Variants in INTS11 observed in about 807,000 individuals in gnomAD.
The protein encoded by INTS11 is integrator complex subunit 11.
Under a neutral mutation model 78.6 loss-of-function variants are expected in INTS11, and 77 were observed. The ratio of observed to expected loss-of-function variants is 0.98; its 90% CI spans 0.81 to 1.18. The LOEUF (loss-of-function observed/expected upper bound fraction) is 1.18. INTS11 is among the 50% of genes most tolerant of loss of function. The pLI is 0.00. For synonymous variants in INTS11, 441 were observed against 326.9 expected, an observed-to-expected ratio of 1.35 and a Z score of -3.77; for missense variants, 875 against 825.9, an observed-to-expected ratio of 1.06 and a Z score of -0.73.
intron 2 of INTS11, chr1:1,320,757 G>A (rs1364474291): frequency 1.4e-6 from 1 of 713,156 alleles, no homozygotes; most frequent in Non-Finnish European, 2.5e-6. Flanking sequence ...CTGAGCCCAG[G>A]GTCTCACGGA....
intron 9 of INTS11, 30 bp from the exon 10 acceptor site, chr1:1,313,622 T>A: frequency 1.2e-6 from 2 of 1,611,788 alleles, no homozygotes; most frequent in Non-Finnish European, 1.7e-6. Flanking sequence ...AGGTGGGGGG[T>A]CAGGGCAGCA....
chr1:1,314,312 C>T lies in INTS11; in HGVS notation c.756G>A (p.Leu252=). The change falls in exon 8 of 17, where the codon CTG becomes CTA. Residue 252 remains leucine, a synonymous_variant. Coordinates refer to ENST00000435064, the MANE Select transcript of INTS11 (RefSeq NM_017871.6). This position sits in a 1 kb window ranked among gnomAD's most constrained non-coding sequence, Gnocchi z 4.2. ...CTGGCGGCACCTACCAGAAGGTCTC[C>T]AGGAGGATGCAGAGCTCCTGGGCGC... ...LGRAQELCIL[L]ETFWERMNLK... is the part of the protein sequence containing the mutation. The T allele has an allele frequency of 3.7e-6, 6 of 1,602,500 alleles. No homozygotes were observed. Among genetic ancestry groups the T allele is most frequent in the Non-Finnish European group, 5.1e-6 (6 of 1,175,756 alleles).
At chr1:1,320,241 A>T in intron 3 of INTS11, 1 of 559,952 alleles carries the variant, frequency 1.8e-6, no homozygotes, top group Non-Finnish European at 3.2e-6. Context: ...GGGTTCAGAA[A>T]GTAGGGTTCA....
In INTS11 at chr1:1,312,203, G is replaced by GGGGGT; in HGVS notation, c.1607+22_1607+23insACCCC. The GGGGGT allele has an allele frequency of 1.1e-5, 13 of 1,196,352 alleles. 4 individuals are homozygous for GGGGGT. Among genetic ancestry groups the GGGGGT allele is most frequent in the South Asian group, 4.2e-5 (3 of 72,176 alleles). 74.1% of individuals were successfully genotyped at this position (1,196,352 alleles called of 1,614,324 possible). On this transcript the variant is annotated intron_variant, in intron 15 of 16. Coordinates refer to ENST00000435064, the MANE Select transcript of INTS11 (RefSeq NM_017871.6). The stretch of plus-strand genomic sequence containing the variant: ...GCCTCCAGGGCCCAAGGGAGTGGGG[G>GGGGGT]GGGGGCGGGGCCGGGCGCCCACCTC...
Position 1,319,075 on chromosome 1 carries a change from C to A in INTS11, c.429+221G>T, listed in dbSNP as rs201143091. On this transcript the variant is annotated intron_variant, in intron 4 of 16. Coordinates refer to ENST00000435064, the MANE Select transcript of INTS11 (RefSeq NM_017871.6). ...GGGTTCATAAGCCGGTGCATACCCC[C>A]ACCCTGCACGTGCTCTCCCGGGTCG... 93 of 723,026 alleles carry A rather than the reference C, an allele frequency of 1.3e-4. 1 individual carries two copies. Among genetic ancestry groups the A allele is most frequent in the Admixed American group, 4.8e-4 (24 of 50,340 alleles). 44.8% of individuals were successfully genotyped at this position (723,026 alleles called of 1,614,324 possible).
chr1:1,316,008 A>G (rs112689067), intron 4 of INTS11: 3,076 of 274,156 alleles, frequency 0.011, 104 homozygotes, highest in African/African-American at 0.064. Flanking sequence ...CTTTGAATAC[A>G]TGACAGAGAA....
At chr1:1,324,046 G>A (rs1228756964) in intron 1 of INTS11, among the ~76,000 whole-genome samples, 1 of 49,390 alleles carries the variant, frequency 2.0e-5, no homozygotes, top group Non-Finnish European at 4.1e-5. Flanking sequence ...AGCGCTGGGG[G>A]GCTGGGGGGC....
chr1:1,312,042 C>A lies in INTS11; in HGVS notation c.1713G>T (p.Val571=), dbSNP rs752124216. Residue 571 remains valine (V), a synonymous_variant, in exon 16 of 17, where the codon GTG becomes GTT. Transcript: ENST00000435064. The part of the protein sequence containing the change: ...AAPSEDPGTK[V]LLVSWTYQDE... ...CCTGGTAGGTCCAGGAGACCAGCAGCACCTTGGTGCCTGGGTCCTCAGAAG... is the reference window on the plus strand; with the variant it reads ...CCTGGTAGGTCCAGGAGACCAGCAGAACCTTGGTGCCTGGGTCCTCAGAAG... 2.2e-5 allele frequency: 35 copies of A among 1,573,388 alleles called. No individual in the cohort carries two copies. The highest frequency in any genetic ancestry group is 5.7e-5 in the Admixed American group (3 of 53,068).
At chr1:1,315,338 GAC>G (rs777665120) in intron 6 of INTS11, 64 bp downstream of exon 6, 15 of 1,591,964 alleles carry the variant, frequency 9.4e-6, no homozygotes, top group Non-Finnish European at 1.3e-5. Context: ...CTGGCACCCT[GAC>G]ACCTGCAAGG....
rs755456059 is a variant in INTS11, at chr1:1,324,654, G to A, written c.-46C>T. On this transcript the variant is annotated 5_prime_UTR_variant, in exon 1 of 17. Transcript: ENST00000435064. ...ACCCGCGAGGCCCGCCTGCGGTGAT[G>A]CACTGCGCAGGCGCAACCACCTCGC... is the stretch of plus-strand genomic sequence containing the variant. 6.3e-7 allele frequency: 1 copy of A among 1,589,690 alleles called. No individual in the cohort carries two copies. The highest frequency in any genetic ancestry group is 1.1e-5 in the South Asian group (1 of 88,690).
chr1:1,321,293 G>A (rs1256183652), intron 1 of INTS11, among the ~76,000 whole-genome samples, 200 bp from the exon 2 acceptor site: 1 of 152,220 alleles, frequency 6.6e-6, no homozygotes, highest in Non-Finnish European at 1.5e-5. Flanking sequence ...TCATGTCCAG[G>A]GTGGAGGCTG....
chr1:1,321,972 G>C, intron 1 of INTS11: 1 of 1,169,666 alleles, frequency 8.5e-7, no homozygotes, highest in Non-Finnish European at 1.1e-6. Context: ...CGGGGCCACA[G>C]CCGAGGGGCT....
Position 1,313,848 on chromosome 1 carries a change from G to A in INTS11, c.841C>T (p.Leu281=), listed in dbSNP as rs755682414. ...LTEKANHYYK[L]FIPWTNQKIR... ...TTCTGGTTGGTCCAGGGGATGAACA[G>A]CTTGTAGTAGTGGTTGGCCTTCTCG... Residue 281 remains leucine, a synonymous_variant, in exon 9 of 17, where the codon CTG becomes TTG. Coordinates refer to ENST00000435064, the MANE Select transcript of INTS11 (RefSeq NM_017871.6). 3 of 1,613,452 alleles carry A rather than the reference G, an allele frequency of 1.9e-6. No homozygotes were observed. The highest frequency in any genetic ancestry group is 2.2e-5 in the South Asian group (2 of 91,082).
Position 1,312,213 on chromosome 1 carries a change from G to GGGGGGCCCCCCC in INTS11, c.1607+12_1607+13insGGGGGGGCCCCC. 1 of 934,558 alleles carries GGGGGGCCCCCCC rather than the reference G, an allele frequency of 1.1e-6. No homozygotes were observed. Among genetic ancestry groups the GGGGGGCCCCCCC allele is most frequent in the Non-Finnish European group, 1.6e-6 (1 of 636,620 alleles). The allele number at this position is 934,558 out of a possible 1,614,324, so 57.9% of individuals were successfully genotyped here. A position where few individuals can be genotyped will look rare whatever the true frequency, so the allele number is the denominator to read the frequency against. ...CCCAAGGGAGTGGGGGGGGGGCGGG[G>GGGGGGCCCCCCC]CCGGGCGCCCACCTCTTGAGGTGGC... On this transcript the variant is annotated intron_variant, in intron 15 of 16. Transcript: ENST00000435064.
At position 1,311,632 on chromosome 1, in the gene INTS11, C is replaced by T. The variant is rs1265428691; in HGVS notation, c.*227G>A. 2 of 710,094 alleles carry T rather than the reference C, an allele frequency of 2.8e-6. No homozygotes were observed. The highest frequency in any genetic ancestry group is 4.0e-5 in the Admixed American group (2 of 49,726). The allele number at this position is 710,094 out of a possible 1,614,324, so 44.0% of individuals were successfully genotyped here. On this transcript the variant is annotated 3_prime_UTR_variant, in exon 17 of 17. Transcript: ENST00000435064. The stretch of plus-strand genomic sequence containing the variant: ...TTCAGCTTTTACTGGAAACTGCTGT[C>T]TAGGACCACCTGCCCTAACCAGGAA...
At position 1,315,384 on chromosome 1, in the gene INTS11, A is replaced by C; in HGVS notation, c.563+20T>G. On this transcript the variant is annotated intron_variant, in intron 6 of 16. Transcript: ENST00000435064. The stretch of plus-strand genomic sequence containing the variant: ...CTCCAGGGGGGCCCACGGGACAAAA[A>C]GACACCTCAGCCTACTTACCCTAAG... The C allele has an allele frequency of 6.2e-7, 1 of 1,613,270 alleles. No homozygotes were observed. Among genetic ancestry groups the C allele is most frequent in the Non-Finnish European group, 8.5e-7 (1 of 1,179,916 alleles).
rs745607228 is a variant in INTS11 at position 1,312,131 on chromosome 1, A to G, written c.1624T>C (p.Cys542Arg). The change falls in exon 16 of 17, where the codon TGT (cysteine) becomes CGT (arginine). Residue 542 changes from cysteine (C) to arginine (R), a missense_variant. By Grantham distance (180) the Cys-to-Arg change is radical. Transcript: ENST00000435064. ...SHLKSVLKDH[C>R]VQHLPDGSVT... ...GAGCCGTCTGGGAGGTGCTGCACAC[A>G]GTGGTCCTTCAGGACGCTGTGGGGA... 1 of 1,535,934 alleles carries G rather than the reference A, an allele frequency of 6.5e-7. No individual in the cohort carries two copies. The highest frequency in any genetic ancestry group is 2.0e-5 in the Admixed American group (1 of 51,148).
Position 1,314,389 on chromosome 1 carries a change from C to T in INTS11, c.703-24G>A, listed in dbSNP as rs1385136626. 2 of 1,593,662 alleles carry T rather than the reference C, an allele frequency of 1.3e-6. No homozygotes were observed. Among genetic ancestry groups the T allele is most frequent in the Non-Finnish European group, 1.7e-6 (2 of 1,169,250 alleles). On this transcript the variant is annotated intron_variant, in intron 7 of 16. Coordinates refer to ENST00000435064, the MANE Select transcript of INTS11 (RefSeq NM_017871.6). The surrounding 1 kb of genome is among the most constrained non-coding windows in gnomAD (Gnocchi z 4.2). Reference sequence around the variant, plus strand: ...ACCTGAGGGGGACACAAGGCAGGAGCCCTGGGCACATGGCCCCTCGACACA... The same window carrying T: ...ACCTGAGGGGGACACAAGGCAGGAGTCCTGGGCACATGGCCCCTCGACACA...
intron 9 of INTS11, 68 bp downstream of exon 9, chr1:1,313,664 C>T: frequency 1.2e-6 from 2 of 1,610,906 alleles, no homozygotes; most frequent in South Asian, 1.1e-5. Context: ...GGCCCAAGCC[C>T]AGACACCTGC....
Sources: gnomAD v4.1 joint callset for allele counts (sites outside exome capture counted in the v4.1 genomes callset) on GRCh38, gnomAD v4.1.1 for gene constraint, Gnocchi (gnomAD v3.1) non-coding constraint, MANE v1.5 for transcripts, NCBI Gene and HGNC (gene_info 2026-07-23, HGNC 2026-07-21) for gene names.